Variants in BABAM2 observed in about 807,000 individuals in gnomAD.
The protein encoded by BABAM2 is BRISC and BRCA1-A complex member 2.
In BABAM2, 31 loss-of-function variants were observed where a neutral mutation model predicts 54.7. The ratio of observed to expected loss-of-function variants is 0.57; its 90% CI spans 0.43 to 0.77. The LOEUF is 0.77. BABAM2 is among the 30% of genes least tolerant of loss of function. The pLI, the probability that BABAM2 is intolerant of heterozygous loss-of-function variation, is 0.00. For missense variants in BABAM2, 364 were observed against 455.8 expected, an observed-to-expected ratio of 0.80 and a Z score of 1.83; for synonymous variants, 167 against 162.9, an observed-to-expected ratio of 1.03 and a Z score of -0.19.
intron 10 of BABAM2, among the ~76,000 whole-genome samples, chr2:28,247,718 G>A (rs914022468): frequency 3.9e-5 from 6 of 152,042 alleles, no homozygotes; most frequent in African/African-American, 1.4e-4. Context: ...TATTCTCCTC[G>A]GGCCCAGGAT....
intron 1 of BABAM2, among the ~76,000 whole-genome samples, chr2:27,893,864 T>C (rs1665060040): frequency 6.6e-6 from 1 of 151,798 alleles, no homozygotes; most frequent in Non-Finnish European, 1.5e-5. Flanking sequence ...CGTGGTGGCA[T>C]GTGCCTGTAG....
At chr2:28,101,253 A>G (rs1667056374) in intron 6 of BABAM2, among the ~76,000 whole-genome samples, 3 of 152,156 alleles carry the variant, frequency 2.0e-5, no homozygotes, top group Non-Finnish European at 4.4e-5. Context: ...CTACTCTACC[A>G]TATTGCCTGA....
At chr2:27,969,470 G>A (rs143123467) in intron 3 of BABAM2, among the ~76,000 whole-genome samples, 308 of 152,300 alleles carry the variant, frequency 2.0e-3, no homozygotes, top group Non-Finnish European at 3.7e-3. Flanking sequence ...AGTCACTTCA[G>A]TATTGTGCCA....
intron 7 of BABAM2, among the ~76,000 whole-genome samples, chr2:28,186,949 G>A (rs1676363625): frequency 6.6e-6 from 1 of 151,952 alleles, no homozygotes; most frequent in Non-Finnish European, 1.5e-5. Context: ...GGGACTACAG[G>A]CACCCGCCAA....
chr2:28,211,964 TA>T (rs935345626), intron 7 of BABAM2, among the ~76,000 whole-genome samples: 3 of 152,186 alleles, frequency 2.0e-5, no homozygotes, highest in African/African-American at 7.2e-5. Flanking sequence ...TCAAATAGTC[TA>T]TAGCATTAGA....
At chr2:28,243,031 C>T (rs945717478) in intron 9 of BABAM2, among the ~76,000 whole-genome samples, 37 of 152,262 alleles carry the variant, frequency 2.4e-4, no homozygotes, top group African/African-American at 7.0e-4. Context: ...AGTTACACAG[C>T]TCACTCTATT....
intron 4 of BABAM2, among the ~76,000 whole-genome samples, chr2:27,993,473 TTC>T (rs1181432329): frequency 1.3e-5 from 2 of 152,180 alleles, no homozygotes; most frequent in African/African-American, 4.8e-5. Context: ...AACTATGATT[TTC>T]AGCCTTTGTT....
intron 3 of BABAM2, among the ~76,000 whole-genome samples, chr2:27,936,957 CAAAT>C (rs60709246): frequency 0.025 from 3,781 of 151,776 alleles, 147 homozygotes; most frequent in African/African-American, 0.086. Context: ...ATAATAATAA[CAAAT>C]AAATTAAAAA....
intron 4 of BABAM2, among the ~76,000 whole-genome samples, chr2:27,991,252 TG>T (rs11346252): frequency 0.033 from 4,968 of 152,310 alleles, 283 homozygotes; most frequent in African/African-American, 0.11. Context: ...GAGCTGTTAC[TG>T]GGAACTACTG....
rs79383852 is a variant in BABAM2, at chr2:28,013,766, G to A, written c.301-11460G>A. 1.3e-3 allele frequency among the ~76,000 whole-genome samples: 187 copies of A among 147,094 alleles called. 4 individuals carry two copies. Among genetic ancestry groups the A allele is most frequent in the Admixed American group, 0.011 (160 of 14,702 alleles). Reference sequence around the variant, plus strand: ...GTACACGTGGCTCACAGTGAAGTTGGTTGTTGGTTGAGAGGCAGGTCAGAA... The same window carrying A: ...GTACACGTGGCTCACAGTGAAGTTGATTGTTGGTTGAGAGGCAGGTCAGAA... On this transcript the variant is annotated intron_variant, in intron 4 of 11. Transcript: ENST00000379624.
At chr2:28,190,998 C>G (rs769566159) in intron 7 of BABAM2, among the ~76,000 whole-genome samples, 1 of 152,088 alleles carries the variant, frequency 6.6e-6, no homozygotes, top group Non-Finnish European at 1.5e-5. Flanking sequence ...CTCTTCAAGG[C>G]ACGGTTACAA....
At position 28,064,767 on chromosome 2, in the gene BABAM2, G is replaced by A. The variant is rs143471729; in HGVS notation, c.570+18968G>A. Among the ~76,000 whole-genome samples, 887 of 152,160 alleles carry A rather than the reference G, an allele frequency of 5.8e-3. 10 individuals carry two copies. Among genetic ancestry groups the A allele is most frequent in the African/African-American group, 0.02 (840 of 41,510 alleles). ...CTGTAATCCCAGCATTTTGGGAGGC[G>A]GAGGTGGGCGGATCACCTGAGGTCA... is the stretch of plus-strand genomic sequence containing the variant. On this transcript the variant is annotated intron_variant, in intron 6 of 11. Transcript: ENST00000379624.
intron 6 of BABAM2, among the ~76,000 whole-genome samples, chr2:28,127,483 C>G (rs1417100340): frequency 6.7e-6 from 1 of 149,624 alleles, no homozygotes; most frequent in Non-Finnish European, 1.5e-5. Flanking sequence ...GATATCTCTT[C>G]CAAGCAGTCT....
intron 10 of BABAM2, among the ~76,000 whole-genome samples, chr2:28,287,767 G>C (rs1686946123): frequency 6.6e-6 from 1 of 152,174 alleles, no homozygotes; most frequent in Non-Finnish European, 1.5e-5. Context: ...GAGCAGCAAA[G>C]GGGCCAGGAT....
chr2:28,075,589 T>C (rs1664591418), intron 6 of BABAM2, among the ~76,000 whole-genome samples: 1 of 152,106 alleles, frequency 6.6e-6, no homozygotes, highest in Admixed American at 6.5e-5. Context: ...CGTGTGTGTG[T>C]GCATGCAGTG....
intron 4 of BABAM2, among the ~76,000 whole-genome samples, chr2:28,023,494 C>A (rs2148559052): frequency 6.6e-6 from 1 of 152,298 alleles, no homozygotes; most frequent in East Asian, 1.9e-4. Context: ...TAGTCTTGAA[C>A]AGCTCAGAAG....
chr2:28,002,944 A>G (rs569601713), intron 4 of BABAM2, among the ~76,000 whole-genome samples: 11 of 152,338 alleles, frequency 7.2e-5, no homozygotes, highest in Middle Eastern at 3.4e-3. Flanking sequence ...AGATGCGGAA[A>G]GGAGTAAACG....
intron 7 of BABAM2, among the ~76,000 whole-genome samples, chr2:28,210,210 C>T (rs1679317034): frequency 6.6e-6 from 1 of 152,146 alleles, no homozygotes; most frequent in South Asian, 2.1e-4. Flanking sequence ...TGCTTTCCTG[C>T]CTTTTATTAA....
chr2:28,183,661 A>G (rs918348130), intron 7 of BABAM2, among the ~76,000 whole-genome samples: 3 of 151,786 alleles, frequency 2.0e-5, no homozygotes. Flanking sequence ...TGTTTGCTCC[A>G]TTAGAATTCT....
Sources: allele counts gnomAD v4.1 joint callset (sites outside exome capture counted in the v4.1 genomes callset), GRCh38; gene constraint gnomAD v4.1.1; transcripts MANE v1.5; gene names NCBI Gene and HGNC (gene_info 2026-07-23, HGNC 2026-07-21).